Variants in BMAL1 observed in about 807,000 individuals in gnomAD.
BMAL1 encodes the protein basic helix-loop-helix ARNT-like protein 1.
the BMAL1 span, among the ~76,000 whole-genome samples, chr11:13,284,033 C>A: frequency 2.0e-5 from 3 of 149,406 alleles, no homozygotes; most frequent in Non-Finnish European, 4.4e-5. Flanking sequence ...TCCTTTTCTC[C>A]CTGAAGACCA....
the BMAL1 span, among the ~76,000 whole-genome samples, chr11:13,314,345 G>C: frequency 6.6e-6 from 1 of 151,966 alleles, no homozygotes; most frequent in Admixed American, 6.6e-5. Flanking sequence ...GTAAGAGTGA[G>C]GAGTGGTCTG....
At chr11:13,305,243 T>G in the BMAL1 span, among the ~76,000 whole-genome samples, 1 of 152,182 alleles carries the variant, frequency 6.6e-6, no homozygotes, top group Non-Finnish European at 1.5e-5. Flanking sequence ...GTATTTTATT[T>G]CACTGGAGAG....
the BMAL1 span, chr11:13,374,028 T>C: frequency 7.0e-7 from 1 of 1,432,762 alleles, no homozygotes; most frequent in Non-Finnish European, 9.7e-7. Flanking sequence ...GGTTTATCCA[T>C]TGCAAAGTTG....
At chr11:13,331,075 T>C in the BMAL1 span, among the ~76,000 whole-genome samples, 1 of 152,178 alleles carries the variant, frequency 6.6e-6, no homozygotes, top group African/African-American at 2.4e-5. Flanking sequence ...GGGGCGGCAG[T>C]CTCTGTGCTT....
chr11:13,335,944 G>A, the BMAL1 span, among the ~76,000 whole-genome samples: 2 of 152,204 alleles, frequency 1.3e-5, no homozygotes, highest in East Asian at 3.8e-4. Flanking sequence ...TTTCAAGAGA[G>A]CTAAAGACAT....
At chr11:13,358,232 A>G in the BMAL1 span, among the ~76,000 whole-genome samples, 1 of 152,238 alleles carries the variant, frequency 6.6e-6, no homozygotes, top group African/African-American at 2.4e-5. Flanking sequence ...TGAGGTAAAC[A>G]TAAAAAAATT....
At chr11:13,372,031 A>T in the BMAL1 span, 4,310 of 1,240,462 alleles carry the variant, frequency 3.5e-3, 11 homozygotes, top group Non-Finnish European at 4.4e-3. Flanking sequence ...TTAGATGCTT[A>T]CTTCTGGAGA....
chr11:13,345,778 A>T, the BMAL1 span, among the ~76,000 whole-genome samples: 1 of 152,310 alleles, frequency 6.6e-6, no homozygotes, highest in East Asian at 1.9e-4. Flanking sequence ...TTATTGTGAA[A>T]ATTAAACTTG....
chr11:13,307,076 A>T, the BMAL1 span, among the ~76,000 whole-genome samples: 1 of 152,210 alleles, frequency 6.6e-6, no homozygotes, highest in South Asian at 2.1e-4. Flanking sequence ...GGAGAGTTCT[A>T]ATCTAGGCCG....
the BMAL1 span, among the ~76,000 whole-genome samples, chr11:13,382,166 C>T: frequency 4.6e-5 from 7 of 152,198 alleles, no homozygotes; most frequent in Non-Finnish European, 1.0e-4. Context: ...AGTAGAAATC[C>T]TGCTTCTACA....
At chr11:13,360,500 T>C in the BMAL1 span, 1 of 1,417,310 alleles carries the variant, frequency 7.1e-7, no homozygotes, top group South Asian at 1.2e-5. Context: ...TGTGGGAATT[T>C]GATGTTTCAA....
chr11:13,371,803 G>GT, the BMAL1 span, among the ~76,000 whole-genome samples: 4 of 152,154 alleles, frequency 2.6e-5, no homozygotes, highest in Admixed American at 1.3e-4. Flanking sequence ...CTGTGCCTGT[G>GT]TACGTCATCA....
chr11:13,332,762 G>C, the BMAL1 span, among the ~76,000 whole-genome samples: 4 of 152,106 alleles, frequency 2.6e-5, no homozygotes, highest in African/African-American at 9.7e-5. Context: ...GTAAGATCCA[G>C]GTCAAGGGGT....
chr11:13,299,234 G>C, the BMAL1 span, among the ~76,000 whole-genome samples: 1 of 152,318 alleles, frequency 6.6e-6, no homozygotes, highest in African/African-American at 2.4e-5. Context: ...AACAGCATCT[G>C]GGTGACCTGA....
At chr11:13,369,915 A>G in the BMAL1 span, 36 of 990,380 alleles carry the variant, frequency 3.6e-5, no homozygotes, top group Admixed American at 5.9e-5. Flanking sequence ...AGTCCTCCCT[A>G]TGTGTAGGGC....
chr11:13,343,299 G>C, the BMAL1 span, among the ~76,000 whole-genome samples: 1 of 152,192 alleles, frequency 6.6e-6, no homozygotes, highest in African/African-American at 2.4e-5. Flanking sequence ...ATTGGTATCA[G>C]TTCCCTTTTC....
At chr11:13,383,215 T>C in the BMAL1 span, among the ~76,000 whole-genome samples, 1 of 152,092 alleles carries the variant, frequency 6.6e-6, no homozygotes, top group Admixed American at 6.5e-5. Context: ...TGAGCCTCCA[T>C]AGGTCGCAAG....
At chr11:13,329,904 T>G in the BMAL1 span, among the ~76,000 whole-genome samples, 1 of 152,236 alleles carries the variant, frequency 6.6e-6, no homozygotes, top group Admixed American at 6.5e-5. Flanking sequence ...ATGTCGATAG[T>G]TGACCTCCTT....
chr11:13,367,155 T>C, the BMAL1 span, among the ~76,000 whole-genome samples: 1 of 152,086 alleles, frequency 6.6e-6, no homozygotes, highest in African/African-American at 2.4e-5. Flanking sequence ...TTTACCTGAA[T>C]TGCACACAGG....
Sources: gnomAD v4.1 joint callset for allele counts (sites outside exome capture counted in the v4.1 genomes callset) on GRCh38, gnomAD v4.1.1 for gene constraint, MANE v1.5 for transcripts, NCBI Gene and HGNC (gene_info 2026-07-23, HGNC 2026-07-21) for gene names.